Variants in DGKI observed in about 807,000 individuals in gnomAD.
DGKI encodes diacylglycerol kinase iota.
DGKI carries 55 observed loss-of-function variants against 147.5 expected under a neutral mutation model. That is an observed-to-expected ratio of 0.37 (90% confidence interval 0.30 to 0.47). DGKI has a LOEUF of 0.47. Among genes scored for constraint, DGKI ranks in the 20% least tolerant of loss-of-function variants. The pLI, the probability that DGKI is intolerant of heterozygous loss-of-function variation, is 1.00. For missense variants in DGKI, 1,007 were observed against 1,323.8 expected, an observed-to-expected ratio of 0.76 and a Z score of 3.71; for synonymous variants, 469 against 477.1, an observed-to-expected ratio of 0.98 and a Z score of 0.22.
At chr7:137,411,253 G>T (rs1812152030) in intron 29 of DGKI, among the ~76,000 whole-genome samples, 2 of 152,124 alleles carry the variant, frequency 1.3e-5, no homozygotes, top group Admixed American at 1.3e-4. Context: ...GTTTGCAGGG[G>T]CATATGGGCA....
chr7:137,472,236 A>AG (rs1814952305), intron 23 of DGKI, among the ~76,000 whole-genome samples: 2 of 110,244 alleles, frequency 1.8e-5, no homozygotes, highest in Non-Finnish European at 3.3e-5. Flanking sequence ...TACATATAAT[A>AG]TATGTATATA....
At position 137,577,459 on chromosome 7, in the gene DGKI, CTT is replaced by C. The variant is rs376217781; in HGVS notation, c.1699-177_1699-176del. Among the ~76,000 whole-genome samples, 973 of 152,284 alleles carry C rather than the reference CTT, an allele frequency of 6.4e-3. 7 individuals are homozygous for C. The highest frequency in any genetic ancestry group is 0.023 in the African/African-American group (946 of 41,556). On this transcript the variant is annotated intron_variant, in intron 16 of 32. Coordinates refer to ENST00000614521, the MANE Select transcript of DGKI (RefSeq NM_001321708.2). ...GTAGTTGTCAAGTTGAAATTTTTCT[CTT>C]TGTTTCCAAACTATAATTTACAGTT... is the stretch of plus-strand genomic sequence containing the variant.
chr7:137,750,165 AC>A (rs1795454504), intron 1 of DGKI, among the ~76,000 whole-genome samples: 1 of 152,096 alleles, frequency 6.6e-6, no homozygotes, highest in Admixed American at 6.5e-5. Context: ...GAAGAAAGAT[AC>A]CCTTGTCGTA....
At chr7:137,486,493 T>C (rs1311335637) in intron 22 of DGKI, among the ~76,000 whole-genome samples, 1 of 152,120 alleles carries the variant, frequency 6.6e-6, no homozygotes, top group Non-Finnish European at 1.5e-5. Flanking sequence ...ATTAACAGAA[T>C]TGGACCTGAG....
intron 1 of DGKI, among the ~76,000 whole-genome samples, chr7:137,777,019 T>C (rs769483506): frequency 4.6e-5 from 7 of 151,974 alleles, no homozygotes; most frequent in African/African-American, 9.7e-5. Flanking sequence ...ACCCTGTTTC[T>C]ACCAAAAAAA....
chr7:137,742,423 C>T (rs1250532275), intron 1 of DGKI, among the ~76,000 whole-genome samples: 1 of 152,172 alleles, frequency 6.6e-6, no homozygotes, highest in African/African-American at 2.4e-5. Flanking sequence ...TGGGCAGAAA[C>T]AGAGCCTTAA....
intron 30 of DGKI, 70 bp downstream of exon 30, chr7:137,407,805 C>T: frequency 5.1e-6 from 8 of 1,582,574 alleles, no homozygotes; most frequent in South Asian, 3.4e-5. Context: ...TGAAGGGTAA[C>T]TTAGAAAATG....
intron 3 of DGKI, among the ~76,000 whole-genome samples, chr7:137,665,504 G>T (rs779926507): frequency 6.6e-6 from 1 of 152,122 alleles, no homozygotes; most frequent in Non-Finnish European, 1.5e-5. Flanking sequence ...CTCGAGTACC[G>T]CAGGAAAACT....
At chr7:137,781,316 C>T (rs369604391) in intron 1 of DGKI, among the ~76,000 whole-genome samples, 1 of 152,052 alleles carries the variant, frequency 6.6e-6, no homozygotes, top group African/African-American at 2.4e-5. Flanking sequence ...GATATGAGAC[C>T]CTTAGCAATG....
chr7:137,443,235 G>T (rs893753773), intron 28 of DGKI, among the ~76,000 whole-genome samples: 1 of 152,102 alleles, frequency 6.6e-6, no homozygotes, highest in Non-Finnish European at 1.5e-5. Flanking sequence ...CACAATTATT[G>T]GTCGGCTGGA....
chr7:137,554,426 T>G (rs2128967509), intron 19 of DGKI, among the ~76,000 whole-genome samples: 1 of 152,326 alleles, frequency 6.6e-6, no homozygotes, highest in South Asian at 2.1e-4. Flanking sequence ...ACCTAGCATG[T>G]GTTAGTCTTC....
chr7:137,638,876 CT>C (rs1369076401), intron 6 of DGKI, among the ~76,000 whole-genome samples: 1 of 151,574 alleles, frequency 6.6e-6, no homozygotes, highest in African/African-American at 2.4e-5. Flanking sequence ...TAATTTCTCT[CT>C]TAAAAAATAC....
chr7:137,484,899 T>C (rs1815500069), intron 23 of DGKI, among the ~76,000 whole-genome samples: 1 of 151,980 alleles, frequency 6.6e-6, no homozygotes, highest in South Asian at 2.1e-4. Context: ...AAAAACATAG[T>C]CCTGGTTGCT....
chr7:137,547,978 C>T (rs1817920015), intron 20 of DGKI, among the ~76,000 whole-genome samples: 1 of 151,976 alleles, frequency 6.6e-6, no homozygotes, highest in African/African-American at 2.4e-5. Flanking sequence ...GCTACTGTTC[C>T]AGGAACAGCA....
intron 1 of DGKI, among the ~76,000 whole-genome samples, chr7:137,841,559 C>G (rs1232864186): frequency 6.6e-6 from 1 of 152,204 alleles, no homozygotes; most frequent in Non-Finnish European, 1.5e-5. Context: ...TTAGTCTCCA[C>G]AGGATCAGTG....
At position 137,842,042 on chromosome 7, in the gene DGKI, A is replaced by T. The variant is rs536060217; in HGVS notation, c.401+4420T>A. 2.0e-5 allele frequency among the ~76,000 whole-genome samples: 3 copies of T among 152,350 alleles called. No individual in the cohort carries two copies. The East Asian group carries it at 5.8e-4, about 29-fold the overall frequency. ...AGTGTGTATCCTAACTGAGGAAGTA[A>T]CAGTCAGTATGTAAGTCATTACTGA... On this transcript the variant is annotated intron_variant, in intron 1 of 32. Coordinates refer to ENST00000614521, the MANE Select transcript of DGKI (RefSeq NM_001321708.2).
intron 32 of DGKI, among the ~76,000 whole-genome samples, chr7:137,393,413 C>G (rs141177326): frequency 1.1e-3 from 163 of 152,200 alleles, no homozygotes; most frequent in African/African-American, 3.6e-3. Flanking sequence ...TTAAAATGAT[C>G]TGAGTTGAGT....
chr7:137,422,595 C>CTTTTTTTTTTTTTTTTTTTTTT, intron 28 of DGKI, among the ~76,000 whole-genome samples: 1 of 61,966 alleles, frequency 1.6e-5, no homozygotes, highest in Non-Finnish European at 2.8e-5. Flanking sequence ...TTTTTCTTTT[C>CTTTTTTTTTTTTTTTTTTTTTT]TTTTTTTTTT....
chr7:137,395,292 T>C (rs545542998), intron 32 of DGKI, among the ~76,000 whole-genome samples: 3 of 152,182 alleles, frequency 2.0e-5, no homozygotes, highest in Non-Finnish European at 4.4e-5. Flanking sequence ...ACCCCTCTCC[T>C]TGGGCTTCGG....
Sources: allele counts gnomAD v4.1 joint callset (sites outside exome capture counted in the v4.1 genomes callset), GRCh38; gene constraint gnomAD v4.1.1; transcripts MANE v1.5; gene names NCBI Gene and HGNC (gene_info 2026-07-23, HGNC 2026-07-21).